Variants in SNX8 observed in about 807,000 individuals in gnomAD.
The protein encoded by SNX8 is sorting nexin-8.
Under a neutral mutation model 51.6 loss-of-function variants are expected in SNX8, and 25 were observed. The observed-to-expected ratio is 0.48, with a 90% CI of 0.35 to 0.68. The LOEUF (loss-of-function observed/expected upper bound fraction) is 0.68. Among genes scored for constraint, SNX8 ranks in the 30% least tolerant of loss-of-function variants. SNX8 has a pLI of 0.00. For missense variants in SNX8, 695 were observed against 624.0 expected (o/e 1.11, Z -1.21); for synonymous variants, 324 against 277.0 (o/e 1.17, Z -1.68).
intron 5 of SNX8, 90 bp from the exon 6 acceptor site, chr7:2,264,548 C>T (rs1584673597): frequency 6.6e-6 from 9 of 1,365,938 alleles, no homozygotes; most frequent in Non-Finnish European, 9.0e-6. Flanking sequence ...AGCTGAGCCA[C>T]GGGAGACACA....
chr7:2,313,283 T>C (rs1042854857), intron 1 of SNX8, among the ~76,000 whole-genome samples: 5 of 151,668 alleles, frequency 3.3e-5, no homozygotes, highest in Non-Finnish European at 4.4e-5. Context: ...CCCAGCACTC[T>C]GGGAAGCTGA....
intron 3 of SNX8, among the ~76,000 whole-genome samples, chr7:2,272,352 A>G (rs1795668989): frequency 6.6e-6 from 1 of 150,856 alleles, no homozygotes; most frequent in African/African-American, 2.4e-5. Context: ...ACGCTCTAAC[A>G]CTAACGCAAC....
intron 1 of SNX8, among the ~76,000 whole-genome samples, chr7:2,304,407 G>A (rs999486033): frequency 6.6e-6 from 1 of 151,698 alleles, no homozygotes; most frequent in Non-Finnish European, 1.5e-5. Flanking sequence ...AGCCAGGCGT[G>A]GTGGCGGGCG....
At chr7:2,329,999 T>C (rs1194895718) in intron 1 of SNX8, among the ~76,000 whole-genome samples, 1 of 130,592 alleles carries the variant, frequency 7.7e-6, no homozygotes, top group Non-Finnish European at 1.6e-5. Flanking sequence ...CACGGCTAAT[T>C]TTTGTATTTT....
At chr7:2,304,829 CG>C (rs1457169651) in intron 1 of SNX8, among the ~76,000 whole-genome samples, 6 of 152,168 alleles carry the variant, frequency 3.9e-5, no homozygotes, top group Non-Finnish European at 7.3e-5. Flanking sequence ...GTGCAAAACA[CG>C]GGCACTAAGT....
At chr7:2,297,269 G>A (rs1796292569) in intron 1 of SNX8, among the ~76,000 whole-genome samples, 1 of 151,302 alleles carries the variant, frequency 6.6e-6, no homozygotes, top group Admixed American at 6.6e-5. Flanking sequence ...ATCAAAAAGG[G>A]GACGGGCATG....
intron 1 of SNX8, among the ~76,000 whole-genome samples, chr7:2,336,421 A>T (rs1449996927): frequency 4.6e-5 from 7 of 151,698 alleles, no homozygotes; most frequent in South Asian, 4.2e-4. Flanking sequence ...ACAAATTTTT[A>T]AAAAATGCTG....
At chr7:2,352,449 A>AT in intron 1 of SNX8, among the ~76,000 whole-genome samples, 1 of 152,248 alleles carries the variant, frequency 6.6e-6, no homozygotes, top group East Asian at 1.9e-4. Flanking sequence ...CCACATCCAC[A>AT]TAACTTTTAT....
chr7:2,326,667 A>G (rs1321792928), intron 1 of SNX8, among the ~76,000 whole-genome samples: 1 of 151,866 alleles, frequency 6.6e-6, no homozygotes, highest in Non-Finnish European at 1.5e-5. Flanking sequence ...CTCCATCTCA[A>G]AAAAAAATAA....
rs547443760 is a variant in SNX8, at chr7:2,260,563, G to A, written c.915+2667C>T. 4.7e-4 allele frequency among the ~76,000 whole-genome samples: 72 copies of A among 152,250 alleles called. 1 individual carries two copies. The highest frequency in any genetic ancestry group is 6.5e-5 in the Admixed American group (1 of 15,280). ...ACACAGACCCTACTCCGAGTCTCACGTGTCTTGCTGGGATATGGCTACCTT... is the reference window on the plus strand; with the variant it reads ...ACACAGACCCTACTCCGAGTCTCACATGTCTTGCTGGGATATGGCTACCTT... On this transcript the variant is annotated intron_variant, in intron 7 of 10. Transcript: ENST00000222990.
At chr7:2,313,927 CG>C (rs1396987099) in intron 1 of SNX8, among the ~76,000 whole-genome samples, 1 of 152,238 alleles carries the variant, frequency 6.6e-6, no homozygotes, top group African/African-American at 2.4e-5. Context: ...CGCCCAAGTC[CG>C]GGGAAGTGGC....
intron 3 of SNX8, among the ~76,000 whole-genome samples, chr7:2,272,191 G>C (rs1048200385): frequency 6.6e-6 from 1 of 152,076 alleles, no homozygotes; most frequent in Non-Finnish European, 1.5e-5. Flanking sequence ...CACACACTTG[G>C]GTCCAGGAGC....
chr7:2,304,330 G>C (rs1257088615), intron 1 of SNX8, among the ~76,000 whole-genome samples: 2 of 151,512 alleles, frequency 1.3e-5, no homozygotes, highest in Admixed American at 6.6e-5. Context: ...AGATCACGAG[G>C]TCAGGAGATA....
At chr7:2,268,711 T>G in intron 5 of SNX8, among the ~76,000 whole-genome samples, 1 of 20,896 alleles carries the variant, frequency 4.8e-5, no homozygotes, top group African/African-American at 1.2e-4. Flanking sequence ...AGCCGCCCCG[T>G]CCGGGAGGGA....
chr7:2,273,696 G>A (rs961520373), intron 3 of SNX8, among the ~76,000 whole-genome samples: 27 of 150,440 alleles, frequency 1.8e-4, no homozygotes, highest in Non-Finnish European at 3.8e-4. Context: ...GAGGTCAGGA[G>A]ATTGAGACCA....
rs74579489 is a variant in SNX8, at chr7:2,263,192, T to C, written c.915+38A>G. The C allele has an allele frequency of 2.3e-3, 3,659 of 1,610,698 alleles. 72 individuals carry two copies. The African/African-American group carries it at 0.041, about 18-fold the overall frequency. On this transcript the variant is annotated intron_variant, in intron 7 of 10. Transcript: ENST00000222990. The stretch of plus-strand genomic sequence containing the variant: ...CTCCCCATGCAAAGGCATAGCGTGT[T>C]CTCTGGAACAGGCGCCTGGGAGAAC...
intron 1 of SNX8, among the ~76,000 whole-genome samples, chr7:2,279,443 C>T (rs558210106): frequency 1.2e-3 from 177 of 152,252 alleles, no homozygotes; most frequent in African/African-American, 4.1e-3. Flanking sequence ...GCTGCGGGCA[C>T]GTCCTTTTGT....
At chr7:2,301,447 T>C (rs556594315) in intron 1 of SNX8, among the ~76,000 whole-genome samples, 1 of 152,342 alleles carries the variant, frequency 6.6e-6, no homozygotes, top group Non-Finnish European at 1.5e-5. Flanking sequence ...GCAACTTTTA[T>C]TGAAGCAGCA....
intron 1 of SNX8, among the ~76,000 whole-genome samples, chr7:2,308,414 T>C (rs908929992): frequency 2.0e-5 from 3 of 152,074 alleles, no homozygotes; most frequent in African/African-American, 7.2e-5. Flanking sequence ...ACACCTGTAA[T>C]CCCAGCACTT....
Sources: gnomAD v4.1 joint callset for allele counts (sites outside exome capture counted in the v4.1 genomes callset) on GRCh38, gnomAD v4.1.1 for gene constraint, MANE v1.5 for transcripts, NCBI Gene and HGNC (gene_info 2026-07-23, HGNC 2026-07-21) for gene names.